USP3: variants seen among roughly 807,000 people sequenced by gnomAD.
USP3 encodes the protein ubiquitin specific peptidase 3, also known as ubiquitin carboxyl-terminal hydrolase 3.
USP3 carries 20 observed loss-of-function variants against 72.3 expected under a neutral mutation model. The ratio of observed to expected loss-of-function variants is 0.28; its 90% CI spans 0.19 to 0.40. The LOEUF is 0.40. Among genes scored for constraint, USP3 ranks in the 10% least tolerant of loss-of-function variants. The pLI, the probability that USP3 is intolerant of heterozygous loss-of-function variation, is 1.00. For synonymous variants in USP3, 222 were observed against 225.3 expected (o/e 0.99, Z 0.13); for missense variants, 479 against 633.9 (o/e 0.76, Z 2.62).
In USP3 at chr15:63,570,843, T is replaced by G. The variant is rs1295651683; in HGVS notation, c.908+264T>G. On this transcript the variant is annotated intron_variant, in intron 9 of 14. Coordinates refer to ENST00000380324, the MANE Select transcript of USP3 (RefSeq NM_006537.4). This position sits in a 1 kb window ranked among gnomAD's most constrained non-coding sequence, Gnocchi z 4.4. ...TAAATTTTGAAAAAATAGAAAATAT[T>G]TGTACAGTTCAGCATTTAGAAGATT... Among the ~76,000 whole-genome samples the G allele has an allele frequency of 6.6e-6, 1 of 152,196 alleles. No homozygotes were observed. The highest frequency in any genetic ancestry group is 1.9e-4 in the East Asian group (1 of 5,200).
intron 3 of USP3, among the ~76,000 whole-genome samples, chr15:63,545,792 G>A (rs1293517551): frequency 3.3e-5 from 5 of 151,690 alleles, no homozygotes; most frequent in East Asian, 1.9e-4. Context: ...GCAACATGGC[G>A]AAAACCCATC....
At position 63,558,119 on chromosome 15, in the gene USP3, C is replaced by T; in HGVS notation, c.464C>T (p.Ala155Val). The T allele has an allele frequency of 6.2e-7, 1 of 1,614,158 alleles. No homozygotes were observed. The highest frequency in any genetic ancestry group is 1.3e-5 in the African/African-American group (1 of 75,028). ...CACCACTTACAGGGAAGCACCACTGCCATTTGTGCCACAGGCCTTCGGAAT... is the reference window on the plus strand; with the variant it reads ...CACCACTTACAGGGAAGCACCACTGTCATTTGTGCCACAGGCCTTCGGAAT... ...KLLKVNGSTT[A>V]ICATGLRNLG... The change falls in exon 6 of 15, where the codon GCC (alanine) becomes GTC (valine). Residue 155 changes from alanine (A) to valine (V), a missense_variant. Physicochemically the swap from Ala to Val is moderately conservative, Grantham distance 64 (BLOSUM62 0). Coordinates refer to ENST00000380324, the MANE Select transcript of USP3 (RefSeq NM_006537.4).
chr15:63,593,696 A>C lies in USP3; in HGVS notation c.*2870A>C, dbSNP rs1318447115. The C allele has an allele frequency of 4.6e-5, 7 of 152,240 alleles. No homozygotes were observed. Among genetic ancestry groups the C allele is most frequent in the Non-Finnish European group, 1.0e-4 (7 of 68,046 alleles). The allele number at this position is 152,240 out of a possible 1,614,324, so 9.4% of individuals were successfully genotyped here. ...TCAATTGTGCACTTGAACAGCAGTG[A>C]TGTAAATGTGCTTATTTGTGTTTTC... On this transcript the variant is annotated 3_prime_UTR_variant, in exon 15 of 15. Transcript: ENST00000380324.
At chr15:63,535,429 C>T (rs1016232919) in intron 2 of USP3, among the ~76,000 whole-genome samples, 1 of 152,168 alleles carries the variant, frequency 6.6e-6, no homozygotes, top group Non-Finnish European at 1.5e-5. Context: ...CACCTAACAA[C>T]CCATGAGACA....
intron 9 of USP3, among the ~76,000 whole-genome samples, chr15:63,572,555 CTATT>C (rs915604849): frequency 6.6e-6 from 1 of 152,036 alleles, no homozygotes; most frequent in African/African-American, 2.4e-5. Flanking sequence ...AAGTTACAGC[CTATT>C]TATTTTGTCA....
intron 1 of USP3, among the ~76,000 whole-genome samples, chr15:63,518,484 GT>G (rs2152651522): frequency 1.3e-5 from 2 of 152,236 alleles, no homozygotes; most frequent in East Asian, 3.9e-4. Context: ...TCTCCCTTGT[GT>G]TTTAGTTTTT....
At chr15:63,578,617 AAAAAAAAAAAAGAAG>A (rs1324327129) in intron 11 of USP3, among the ~76,000 whole-genome samples, 1 of 150,832 alleles carries the variant, frequency 6.6e-6, no homozygotes, top group African/African-American at 2.4e-5. Flanking sequence ...GTCTCAGAAA[AAAAAAAAAAAAGAAG>A]AAAAAAAAAA....
At chr15:63,550,164 C>T (rs1216243118) in intron 3 of USP3, among the ~76,000 whole-genome samples, 10 of 152,178 alleles carry the variant, frequency 6.6e-5, no homozygotes, top group Admixed American at 5.2e-4. Flanking sequence ...GAACTACAGG[C>T]GTGTGCCACC....
At chr15:63,519,666 G>A (rs891849275) in intron 1 of USP3, among the ~76,000 whole-genome samples, 3 of 152,062 alleles carry the variant, frequency 2.0e-5, no homozygotes, top group Non-Finnish European at 2.9e-5. Context: ...TATATACCTC[G>A]TTTCTTACCA....
chr15:63,527,403 C>T (rs937320192), intron 1 of USP3, among the ~76,000 whole-genome samples: 2 of 152,204 alleles, frequency 1.3e-5, no homozygotes, highest in African/African-American at 4.8e-5. Context: ...GTTGAAACAG[C>T]TGTGAATAAT....
At position 63,588,941 on chromosome 15, in the gene USP3, T is replaced by C. The variant is rs1351317636; in HGVS notation, c.1330-3T>C. 3.7e-6 allele frequency: 6 copies of C among 1,614,068 alleles called. No homozygotes were observed. Among genetic ancestry groups the C allele is most frequent in the East Asian group, 2.2e-5 (1 of 44,896 alleles). The stretch of plus-strand genomic sequence containing the variant: ...CCACTGCTCCTTCTTCCTTGTTCTG[T>C]AGCCTGAGAACAGTGGCCCGGAGAG... On this transcript the variant is annotated splice_region_variant and splice_polypyrimidine_tract_variant and intron_variant, in intron 13 of 14. Coordinates refer to ENST00000380324, the MANE Select transcript of USP3 (RefSeq NM_006537.4). The surrounding 1 kb of genome is among the most constrained non-coding windows in gnomAD (Gnocchi z 4.6).
At chr15:63,515,314 G>C (rs1264204547) in intron 1 of USP3, 1 of 152,200 alleles carries the variant, frequency 6.6e-6, no homozygotes, top group Non-Finnish European at 1.5e-5. Flanking sequence ...CAGTTTTTGA[G>C]AATATGTTGT....
chr15:63,518,395 T>A (rs750555775), intron 1 of USP3, among the ~76,000 whole-genome samples: 1 of 152,188 alleles, frequency 6.6e-6, no homozygotes, highest in Non-Finnish European at 1.5e-5. Flanking sequence ...TTTATTGGAC[T>A]AGCTCATCAT....
intron 5 of USP3, chr15:63,557,004 C>T (rs2066521839): frequency 3.6e-6 from 1 of 277,628 alleles, no homozygotes; most frequent in Non-Finnish European, 6.9e-6. Context: ...ACTCTTAATA[C>T]TTGCTCACAC....
chr15:63,536,746 C>T (rs951198498), intron 2 of USP3, among the ~76,000 whole-genome samples: 7 of 150,998 alleles, frequency 4.6e-5, no homozygotes, highest in Admixed American at 6.6e-5. Flanking sequence ...CCCAGCTACT[C>T]GGGAGGCTGA....
chr15:63,556,816 T>C (rs1402618286), intron 5 of USP3, 68 bp downstream of exon 5: 3 of 1,086,764 alleles, frequency 2.8e-6, no homozygotes, highest in South Asian at 3.1e-5. Flanking sequence ...GTTACAACTC[T>C]AACATGTAAT....
At chr15:63,507,309 A>G (rs145718431) in intron 1 of USP3, among the ~76,000 whole-genome samples, 55 of 152,316 alleles carry the variant, frequency 3.6e-4, no homozygotes, top group African/African-American at 1.2e-3. Context: ...AAATGCCACA[A>G]CATTCTAGGT....
chr15:63,532,690 A>G lies in USP3; in HGVS notation c.135A>G (p.Ser45=). The change falls in exon 2 of 15, where the codon TCA becomes TCG. Residue 45 remains serine, a synonymous_variant. Coordinates refer to ENST00000380324, the MANE Select transcript of USP3 (RefSeq NM_006537.4). ...GCCCTTGGGTCTGTTTGACTTGTTCAAGTGTCCACTGTGGAAGGTAGGTGA... is the reference window on the plus strand; with the variant it reads ...GCCCTTGGGTCTGTTTGACTTGTTCGAGTGTCCACTGTGGAAGGTAGGTGA... ...NKSPWVCLTC[S]SVHCGRYVNG... is the part of the protein sequence containing the mutation. 1 of 1,614,002 alleles carries G rather than the reference A, an allele frequency of 6.2e-7. No homozygotes were observed. Among genetic ancestry groups the G allele is most frequent in the Non-Finnish European group, 8.5e-7 (1 of 1,179,928 alleles).
intron 14 of USP3, among the ~76,000 whole-genome samples, chr15:63,590,188 C>A (rs370564082): frequency 3.9e-5 from 6 of 152,082 alleles, no homozygotes; most frequent in African/African-American, 1.2e-4. Flanking sequence ...ATAGGGTTTT[C>A]CTGGCACCTA....
Sources: gnomAD v4.1 joint callset for allele counts (sites outside exome capture counted in the v4.1 genomes callset) on GRCh38, gnomAD v4.1.1 for gene constraint, Gnocchi (gnomAD v3.1) non-coding constraint, MANE v1.5 for transcripts, NCBI Gene and HGNC (gene_info 2026-07-23, HGNC 2026-07-21) for gene names.